Variants in CDK18 observed in about 807,000 individuals in gnomAD.
CDK18 encodes cyclin dependent kinase 18.
In CDK18, 52 loss-of-function variants were observed where a neutral mutation model predicts 62.0. That is an observed-to-expected ratio of 0.84 (90% confidence interval 0.67 to 1.06). The LOEUF (loss-of-function observed/expected upper bound fraction) is 1.06, where lower values mean the gene tolerates loss of function less well. Ranked by LOEUF, CDK18 falls within the 50% of genes least tolerant of loss-of-function variation. The pLI is 0.00. For missense variants in CDK18, 604 were observed against 619.9 expected (o/e 0.97, Z 0.27); for synonymous variants, 237 against 247.0 (o/e 0.96, Z 0.38).
rs780475633 is a variant in CDK18, at chr1:205,530,296, TGA to T, written c.1261_1262del (p.His422LeufsTer14). The T allele has an allele frequency of 6.2e-7, 1 of 1,613,240 alleles. No homozygotes were observed. The highest frequency in any genetic ancestry group is 8.5e-7 in the Non-Finnish European group (1 of 1,180,050). On this transcript the variant is annotated frameshift_variant, in exon 14 of 16. Coordinates refer to ENST00000429964, the MANE Select transcript of CDK18 (RefSeq NM_212502.3). LOFTEE classifies it high-confidence loss of function. ...AGTCGCATGTCAGCAGAGGCTGCCC[TGA>T]GTCACTCCTACTTCCGGTCTCTGGG...
In CDK18 at chr1:205,516,756, A is replaced by T. The variant is rs1264052148; in HGVS notation, c.-21-6391A>T. The T allele has an allele frequency of 6.6e-6, 1 of 152,284 alleles. No individual in the cohort carries two copies. Among genetic ancestry groups the T allele is most frequent in the East Asian group, 1.9e-4 (1 of 5,196 alleles). The allele number at this position is 152,284 out of a possible 1,614,324, so 9.4% of individuals were successfully genotyped here. A position where few individuals can be genotyped will look rare whatever the true frequency, so the allele number is the denominator to read the frequency against. On this transcript the variant is annotated intron_variant, in intron 1 of 15. Transcript: ENST00000429964. This position sits in a 1 kb window ranked among gnomAD's most constrained non-coding sequence, Gnocchi z 4.8. ...CTTGTACAGCATGCAGGGGCAATGA[A>T]GAGGGGCAAAGCCAGAGACGAAGGG... is the stretch of plus-strand genomic sequence containing the variant.
chr1:205,521,922 G>C (rs1317116867), intron 1 of CDK18, among the ~76,000 whole-genome samples: 1 of 152,226 alleles, frequency 6.6e-6, no homozygotes, highest in Non-Finnish European at 1.5e-5. Context: ...TGGTGCATGG[G>C]TAACAGCTGG....
At chr1:205,523,741 T>C in intron 3 of CDK18, 116 bp downstream of exon 3, 1 of 1,322,586 alleles carries the variant, frequency 7.6e-7, no homozygotes, top group Non-Finnish European at 1.0e-6. Context: ...ACCTCTGCCA[T>C]TCATTAGCTC....
Position 205,529,756 on chromosome 1 carries a change from C to A in CDK18, c.1221+193C>A, listed in dbSNP as rs1055582444. The A allele has an allele frequency of 5.2e-6, 8 of 1,526,260 alleles. No homozygotes were observed. In the African/African-American group the frequency reaches 8.2e-5, roughly 16 times the overall value. The allele number at this position is 1,526,260 out of a possible 1,614,324, so 94.5% of individuals were successfully genotyped here. A position where few individuals can be genotyped will look rare whatever the true frequency, so the allele number is the denominator to read the frequency against. ...TCCTCTGGAGTCTGTGCACTGCGAG[C>A]CCAAACCCGTTACTTAGCTGTGTAG... On this transcript the variant is annotated intron_variant, in intron 13 of 15. Transcript: ENST00000429964.
intron 3 of CDK18, 150 bp from the exon 4 acceptor site, chr1:205,524,082 C>T: frequency 1.1e-6 from 1 of 886,674 alleles, no homozygotes; most frequent in Non-Finnish European, 1.8e-6. Flanking sequence ...ACACTGGGAG[C>T]AGCTGTGAGC....
chr1:205,517,598 A>G lies in CDK18; in HGVS notation c.-21-5549A>G, dbSNP rs556319576. Among the ~76,000 whole-genome samples the G allele has an allele frequency of 1.9e-4, 29 of 151,898 alleles. No homozygotes were observed. The highest frequency in any genetic ancestry group is 6.5e-4 in the African/African-American group (27 of 41,414). ...CCAGAATGCCTTGTCTCCTCCAGTG[A>G]CTGTTCTATCTCTCCACTCCGGCTG... On this transcript the variant is annotated intron_variant, in intron 1 of 15. Coordinates refer to ENST00000429964, the MANE Select transcript of CDK18 (RefSeq NM_212502.3). This position sits in a 1 kb window ranked among gnomAD's most constrained non-coding sequence, Gnocchi z 4.1.
In CDK18 at chr1:205,527,939, G is replaced by T; in HGVS notation, c.853+22G>T. Reference sequence around the variant, plus strand: ...TTTGGTGAGGCTGGGGCTAGGGTGGGGGTCTGACGCTACTGGGGTGCCTCA... The same window carrying T: ...TTTGGTGAGGCTGGGGCTAGGGTGGTGGTCTGACGCTACTGGGGTGCCTCA... On this transcript the variant is annotated intron_variant, in intron 9 of 15. Transcript: ENST00000429964. This position sits in a 1 kb window ranked among gnomAD's most constrained non-coding sequence, Gnocchi z 4.1. 1 of 1,613,928 alleles carries T rather than the reference G, an allele frequency of 6.2e-7. No homozygotes were observed. The highest frequency in any genetic ancestry group is 1.1e-5 in the South Asian group (1 of 91,064).
At chr1:205,519,698 C>A (rs551291552) in intron 1 of CDK18, among the ~76,000 whole-genome samples, 1 of 152,286 alleles carries the variant, frequency 6.6e-6, no homozygotes, top group Non-Finnish European at 1.5e-5. Context: ...GTCCTCCCCA[C>A]CCCAGGCACA....
At position 205,527,536 on chromosome 1, in the gene CDK18, T is replaced by A; in HGVS notation, c.730-258T>A. On this transcript the variant is annotated intron_variant, in intron 8 of 15. Coordinates refer to ENST00000429964, the MANE Select transcript of CDK18 (RefSeq NM_212502.3). The surrounding 1 kb of genome is among the most constrained non-coding windows in gnomAD (Gnocchi z 4.1). ...ACATATGTCTCCACATAGGCGGGCA[T>A]CCTGACCCCCGTGCTCCTGACTGAG... 2.3e-6 allele frequency: 1 copy of A among 435,980 alleles called. No homozygotes were observed. Among genetic ancestry groups the A allele is most frequent in the East Asian group, 4.1e-5 (1 of 24,402 alleles). The allele number at this position is 435,980 out of a possible 1,614,324, so 27.0% of individuals were successfully genotyped here. A position where few individuals can be genotyped will look rare whatever the true frequency, so the allele number is the denominator to read the frequency against.
rs538858011 is a variant in CDK18, at chr1:205,516,670, A to G, written c.-21-6477A>G. The G allele has an allele frequency of 2.0e-5, 3 of 152,372 alleles. No individual in the cohort carries two copies. The highest frequency in any genetic ancestry group is 1.9e-4 in the East Asian group (1 of 5,190). 9.4% of individuals were successfully genotyped at this position (152,372 alleles called of 1,614,324 possible). A position where few individuals can be genotyped will look rare whatever the true frequency, so the allele number is the denominator to read the frequency against. On this transcript the variant is annotated intron_variant, in intron 1 of 15. Coordinates refer to ENST00000429964, the MANE Select transcript of CDK18 (RefSeq NM_212502.3). The surrounding 1 kb of genome is among the most constrained non-coding windows in gnomAD (Gnocchi z 4.8). ...AGTCACGCCCCATTGAAGGAGGGGC[A>G]CCTGGTGGTCCTGGGGGTGGGGTGG...
In CDK18 at chr1:205,527,134, C is replaced by G. The variant is rs1247204242; in HGVS notation, c.729+297C>G. 1 of 413,390 alleles carries G rather than the reference C, an allele frequency of 2.4e-6. No homozygotes were observed. The highest frequency in any genetic ancestry group is 4.4e-6 in the Non-Finnish European group (1 of 228,070). 25.6% of individuals were successfully genotyped at this position (413,390 alleles called of 1,614,324 possible). ...GGAGTGTGAGCTACCTGCCAAAATG[C>G]AGGGAGGCTTCTGGGGAAGCTCGGG... is the stretch of plus-strand genomic sequence containing the variant. On this transcript the variant is annotated intron_variant, in intron 8 of 15. Coordinates refer to ENST00000429964, the MANE Select transcript of CDK18 (RefSeq NM_212502.3). The surrounding 1 kb of genome is among the most constrained non-coding windows in gnomAD (Gnocchi z 4.1).
chr1:205,531,488 C>A lies in CDK18; in HGVS notation c.*110C>A. On this transcript the variant is annotated 3_prime_UTR_variant, in exon 16 of 16. Transcript: ENST00000429964. ...AGGACTGAAGAACGAGGGCTGACAG[C>A]CAGCCTGGAAGACCGCTTGGCAGCC... 9.6e-7 allele frequency: 1 copy of A among 1,044,598 alleles called. No individual in the cohort carries two copies. The highest frequency in any genetic ancestry group is 1.5e-6 in the Non-Finnish European group (1 of 671,204). 64.7% of individuals were successfully genotyped at this position (1,044,598 alleles called of 1,614,324 possible).
rs1475738560 is a variant in CDK18 at position 205,516,309 on chromosome 1, G to A, written c.-21-6838G>A. 6.6e-6 allele frequency among the ~76,000 whole-genome samples: 1 copy of A among 152,044 alleles called. No homozygotes were observed. The highest frequency in any genetic ancestry group is 2.4e-5 in the African/African-American group (1 of 41,406). On this transcript the variant is annotated intron_variant, in intron 1 of 15. Coordinates refer to ENST00000429964, the MANE Select transcript of CDK18 (RefSeq NM_212502.3). This position sits in a 1 kb window ranked among gnomAD's most constrained non-coding sequence, Gnocchi z 4.8. ...TGAAATTCACCCAAGGGCCAAAGTG[G>A]CTGAGTGACCGAGGCAGGGGCAGGG...
chr1:205,520,829 C>T (rs1324120235), intron 1 of CDK18, among the ~76,000 whole-genome samples: 1 of 152,132 alleles, frequency 6.6e-6, no homozygotes, highest in Non-Finnish European at 1.5e-5. Flanking sequence ...GTCACTGGGA[C>T]CCACACCCCC....
At chr1:205,507,067 C>T (rs1277917537) in intron 1 of CDK18, among the ~76,000 whole-genome samples, 1 of 152,238 alleles carries the variant, frequency 6.6e-6, no homozygotes, top group Non-Finnish European at 1.5e-5. Flanking sequence ...CCCGGCTTGA[C>T]TCTTCCCGGT....
At chr1:205,518,687 G>A (rs1425036857) in intron 1 of CDK18, among the ~76,000 whole-genome samples, 1 of 152,240 alleles carries the variant, frequency 6.6e-6, no homozygotes, top group Non-Finnish European at 1.5e-5. Context: ...TGGGGATGGA[G>A]GCTGTGTGAG....
intron 5 of CDK18, 125 bp from the exon 6 acceptor site, chr1:205,525,940 C>G: frequency 1.5e-6 from 1 of 645,540 alleles, no homozygotes; most frequent in Non-Finnish European, 2.8e-6. Flanking sequence ...AACAGCATGT[C>G]AGTAAAGGGA....
chr1:205,527,001 G>C lies in CDK18; in HGVS notation c.729+164G>C, dbSNP rs1668469710. 1.6e-6 allele frequency: 1 copy of C among 627,016 alleles called. No individual in the cohort carries two copies. Among genetic ancestry groups the C allele is most frequent in the South Asian group, 1.9e-5 (1 of 52,460 alleles). The allele number at this position is 627,016 out of a possible 1,614,324, so 38.8% of individuals were successfully genotyped here. A position where few individuals can be genotyped will look rare whatever the true frequency, so the allele number is the denominator to read the frequency against. On this transcript the variant is annotated intron_variant, in intron 8 of 15. Transcript: ENST00000429964. This position sits in a 1 kb window ranked among gnomAD's most constrained non-coding sequence, Gnocchi z 4.1. ...ATGCCATCAACGAGTCCAGGAACTG[G>C]GTTGAGCGCTTTACCCCAAGAACAG... is the stretch of plus-strand genomic sequence containing the variant.
At chr1:205,505,606 A>G (rs543735219) in intron 1 of CDK18, among the ~76,000 whole-genome samples, 11 of 152,318 alleles carry the variant, frequency 7.2e-5, no homozygotes, top group African/African-American at 2.6e-4. Flanking sequence ...GAGGGACACC[A>G]TCAGGAATCT....
Sources: gnomAD v4.1 joint callset for allele counts (sites outside exome capture counted in the v4.1 genomes callset) on GRCh38, gnomAD v4.1.1 for gene constraint, Gnocchi (gnomAD v3.1) non-coding constraint, MANE v1.5 for transcripts, NCBI Gene and HGNC (gene_info 2026-07-23, HGNC 2026-07-21) for gene names.